SMCO2: variants seen among roughly 807,000 people sequenced by gnomAD.
SMCO2 encodes single-pass membrane protein with coiled-coil domains 2, also known as single-pass membrane and coiled-coil domain-containing protein 2.
In SMCO2, 25 loss-of-function variants were observed where a neutral mutation model predicts 29.5. That is an observed-to-expected ratio of 0.85 (90% confidence interval 0.62 to 1.18). SMCO2 has a LOEUF of 1.18. SMCO2 is among the 50% of genes most tolerant of loss of function. SMCO2 has a pLI of 0.00. For missense variants in SMCO2, 348 were observed against 344.5 expected (o/e 1.01, Z -0.08); for synonymous variants, 117 against 123.3 (o/e 0.95, Z 0.34).
chr12:27,487,049 G>A (rs1422976869), intron 4 of SMCO2, among the ~76,000 whole-genome samples: 1 of 152,140 alleles, frequency 6.6e-6, no homozygotes, highest in Non-Finnish European at 1.5e-5. Context: ...CCAAGAAACT[G>A]ACATTGGTAC....
intron 4 of SMCO2, 109 bp downstream of exon 5, chr12:27,475,840 A>T (rs1471704916): frequency 2.8e-6 from 3 of 1,067,504 alleles, no homozygotes; most frequent in Non-Finnish European, 3.7e-6. Context: ...CCATAGGTAT[A>T]CTTTCTTGGA....
the SMCO2 span, among the ~76,000 whole-genome samples, chr12:27,457,764 G>A: frequency 6.6e-6 from 1 of 152,224 alleles, no homozygotes. Context: ...GAGAGTACAG[G>A]TGAAGTCAGA....
chr12:27,471,942 G>A (rs1949544329), intron 2 of SMCO2, among the ~76,000 whole-genome samples: 3 of 152,134 alleles, frequency 2.0e-5, no homozygotes, highest in Admixed American at 1.3e-4. Context: ...TTTTCCAATA[G>A]ATATGCTGTG....
At chr12:27,500,778 T>C (rs1369876290) in intron 7 of SMCO2, among the ~76,000 whole-genome samples, 1 of 150,552 alleles carries the variant, frequency 6.6e-6, no homozygotes, top group Non-Finnish European at 1.5e-5. Context: ...CTTTAATAAA[T>C]GTGTGAAGTG....
chr12:27,444,977 A>G, the SMCO2 span, among the ~76,000 whole-genome samples: 1 of 152,234 alleles, frequency 6.6e-6, no homozygotes, highest in Admixed American at 6.5e-5. Context: ...AAAATGTGAT[A>G]TATATATACA....
the SMCO2 span, among the ~76,000 whole-genome samples, chr12:27,433,590 G>GA: frequency 6.6e-6 from 1 of 152,034 alleles, no homozygotes; most frequent in East Asian, 1.9e-4. Context: ...AGTGTCAGGA[G>GA]AAAGGAAATT....
At chr12:27,492,831 T>C (rs1233929818) in intron 5 of SMCO2, among the ~76,000 whole-genome samples, 2 of 152,138 alleles carry the variant, frequency 1.3e-5, no homozygotes, top group East Asian at 3.9e-4. Flanking sequence ...CCCATTATTG[T>C]GTATATACCC....
At chr12:27,447,475 C>T in the SMCO2 span, among the ~76,000 whole-genome samples, 1 of 152,034 alleles carries the variant, frequency 6.6e-6, no homozygotes, top group African/African-American at 2.4e-5. Flanking sequence ...AAGGCAGAAT[C>T]GGCCAGGTGC....
At chr12:27,444,053 C>T in the SMCO2 span, among the ~76,000 whole-genome samples, 8 of 152,128 alleles carry the variant, frequency 5.3e-5, no homozygotes, top group South Asian at 2.1e-4. Flanking sequence ...GGAGGCATCA[C>T]GCTACCTAAC....
At chr12:27,452,328 C>G in the SMCO2 span, among the ~76,000 whole-genome samples, 1 of 152,184 alleles carries the variant, frequency 6.6e-6, no homozygotes, top group Admixed American at 6.5e-5. Flanking sequence ...AGTAATTTCT[C>G]ATCGTCCACT....
At chr12:27,446,127 C>T in the SMCO2 span, among the ~76,000 whole-genome samples, 1 of 152,178 alleles carries the variant, frequency 6.6e-6, no homozygotes, top group African/African-American at 2.4e-5. Flanking sequence ...TGGTCTTGAA[C>T]TCCTGACCTC....
chr12:27,463,309 G>A (rs1194112724), upstream of SMCO2, among the ~76,000 whole-genome samples: 2 of 152,164 alleles, frequency 1.3e-5, no homozygotes, highest in Non-Finnish European at 2.9e-5. Flanking sequence ...GTGTTGCCCA[G>A]GCTGGAGTGC....
At chr12:27,490,656 G>A (rs1364291181) in intron 5 of SMCO2, among the ~76,000 whole-genome samples, 2 of 152,190 alleles carry the variant, frequency 1.3e-5, no homozygotes, top group Non-Finnish European at 2.9e-5. Context: ...TTGGCTGAAT[G>A]TGGTGACTCA....
chr12:27,431,276 C>T, the SMCO2 span, among the ~76,000 whole-genome samples: 17 of 152,024 alleles, frequency 1.1e-4, 1 homozygote, highest in Admixed American at 2.6e-4. Flanking sequence ...CCAAAGTGCT[C>T]GGATTACAGG....
chr12:27,424,139 T>C, the SMCO2 span: 247 of 152,356 alleles, frequency 1.6e-3, 2 homozygotes, highest in Admixed American at 0.016. Context: ...AATAAAATTA[T>C]ACATGTGGCT....
intron 7 of SMCO2, among the ~76,000 whole-genome samples, chr12:27,496,481 T>C (rs1943004578): frequency 6.6e-6 from 1 of 150,648 alleles, no homozygotes; most frequent in Non-Finnish European, 1.5e-5. Context: ...TTATCAGTTA[T>C]GTTCTTTTCA....
intron 4 of SMCO2, among the ~76,000 whole-genome samples, chr12:27,484,570 A>G (rs1397840992): frequency 6.6e-6 from 1 of 151,976 alleles, no homozygotes; most frequent in East Asian, 1.9e-4. Context: ...TGTGCCTGAC[A>G]AGAAGTTGGC....
chr12:27,477,444 G>T (rs936920316), intron 4 of SMCO2, among the ~76,000 whole-genome samples: 1 of 151,358 alleles, frequency 6.6e-6, no homozygotes, highest in African/African-American at 2.4e-5. Flanking sequence ...ATCTATTTGG[G>T]GTTCTTTGTG....
At chr12:27,473,654 A>G (rs1003215360) in intron 3 of SMCO2, among the ~76,000 whole-genome samples, 1 of 152,218 alleles carries the variant, frequency 6.6e-6, no homozygotes, top group African/African-American at 2.4e-5. Context: ...AATAATGCAC[A>G]TGAAACTAAT....
Sources: gnomAD v4.1 joint callset for allele counts (sites outside exome capture counted in the v4.1 genomes callset) on GRCh38, gnomAD v4.1.1 for gene constraint, MANE v1.5 for transcripts, NCBI Gene and HGNC (gene_info 2026-07-23, HGNC 2026-07-21) for gene names.